VTI1A: variants seen among roughly 807,000 people sequenced by gnomAD.
VTI1A encodes vesicle transport through interaction with t-SNAREs 1A.
A neutral mutation model predicts 34.9 loss-of-function variants in VTI1A; 22 were observed. That is an observed-to-expected ratio of 0.63 (90% CI 0.45 to 0.90). The LOEUF (loss-of-function observed/expected upper bound fraction) is 0.90. Ranked by LOEUF, VTI1A falls within the 40% of genes least tolerant of loss-of-function variation. The pLI is 0.00. For synonymous variants in VTI1A, 87 were observed against 97.3 expected, an observed-to-expected ratio of 0.89 and a Z score of 0.62; for missense variants, 268 against 275.6, an observed-to-expected ratio of 0.97 and a Z score of 0.20.
intron 3 of VTI1A, among the ~76,000 whole-genome samples, chr10:112,475,936 T>G (rs1478506850): frequency 6.6e-6 from 1 of 152,204 alleles, no homozygotes; most frequent in African/African-American, 2.4e-5. Flanking sequence ...CTGTGTTGAA[T>G]GTTTTATTAA....
intron 5 of VTI1A, among the ~76,000 whole-genome samples, chr10:112,614,788 A>G (rs1845456537): frequency 6.6e-6 from 1 of 152,210 alleles, no homozygotes; most frequent in Non-Finnish European, 1.5e-5. Flanking sequence ...GTCACAAGGC[A>G]CAGTTATGAA....
chr10:112,634,486 T>C (rs1346537184), intron 5 of VTI1A, among the ~76,000 whole-genome samples: 1 of 137,238 alleles, frequency 7.3e-6, no homozygotes, highest in African/African-American at 2.8e-5. Flanking sequence ...TCGGTGGTTA[T>C]ACACACACAC....
chr10:112,474,061 C>A (rs1484584021), intron 3 of VTI1A, among the ~76,000 whole-genome samples: 1 of 151,896 alleles, frequency 6.6e-6, no homozygotes, highest in Non-Finnish European at 1.5e-5. Flanking sequence ...TTGGATATGA[C>A]TATGACTTTT....
chr10:112,664,116 G>A (rs1018495513), intron 5 of VTI1A, among the ~76,000 whole-genome samples: 9 of 152,140 alleles, frequency 5.9e-5, no homozygotes, highest in Non-Finnish European at 1.0e-4. Context: ...ATAATTCGCT[G>A]GATACCACAT....
chr10:112,602,949 A>G (rs1564844463), intron 5 of VTI1A, among the ~76,000 whole-genome samples: 1 of 152,114 alleles, frequency 6.6e-6, no homozygotes, highest in Non-Finnish European at 1.5e-5. Context: ...GTGCTGCTTA[A>G]TTTTTTTTAA....
intron 3 of VTI1A, among the ~76,000 whole-genome samples, chr10:112,502,568 A>C (rs1319439419): frequency 6.6e-6 from 1 of 152,374 alleles, no homozygotes; most frequent in East Asian, 1.9e-4. Context: ...TTACATGAAC[A>C]TGACTGTGGA....
chr10:112,559,568 C>T (rs1343609896), intron 5 of VTI1A, among the ~76,000 whole-genome samples: 2 of 152,124 alleles, frequency 1.3e-5, no homozygotes, highest in African/African-American at 2.4e-5. Context: ...AGGAGGCCTT[C>T]CTCTTCTTCC....
At chr10:112,811,857 C>A (rs1853329207) in intron 7 of VTI1A, among the ~76,000 whole-genome samples, 2 of 152,166 alleles carry the variant, frequency 1.3e-5, no homozygotes, top group South Asian at 4.1e-4. Context: ...TGCACTGGAA[C>A]CAGCCTTCTG....
chr10:112,734,027 C>T (rs12098795), intron 7 of VTI1A, among the ~76,000 whole-genome samples: 6,684 of 152,132 alleles, frequency 0.044, 491 homozygotes, highest in African/African-American at 0.15. Flanking sequence ...GCTGGGATTA[C>T]AGGCGTGAGC....
intron 5 of VTI1A, among the ~76,000 whole-genome samples, chr10:112,603,871 G>A (rs1844974721): frequency 6.6e-6 from 1 of 151,746 alleles, no homozygotes; most frequent in African/African-American, 2.4e-5. Context: ...CTTGGTAGAT[G>A]ACAACACCCA....
chr10:112,648,282 A>G (rs996040771), intron 5 of VTI1A, among the ~76,000 whole-genome samples: 1 of 152,170 alleles, frequency 6.6e-6, no homozygotes, highest in Admixed American at 6.5e-5. Context: ...TGCTGTCACT[A>G]AGGAAAGTTA....
intron 3 of VTI1A, among the ~76,000 whole-genome samples, chr10:112,474,748 T>C (rs889281971): frequency 6.6e-6 from 1 of 152,200 alleles, no homozygotes; most frequent in Non-Finnish European, 1.5e-5. Flanking sequence ...TGAGCCACCA[T>C]GCCTGGCCTG....
At chr10:112,623,743 C>T (rs917890962) in intron 5 of VTI1A, among the ~76,000 whole-genome samples, 1 of 152,156 alleles carries the variant, frequency 6.6e-6, no homozygotes, top group Admixed American at 6.5e-5. Flanking sequence ...ATCTTCAGTG[C>T]TTCAGGAGGG....
intron 7 of VTI1A, among the ~76,000 whole-genome samples, chr10:112,738,801 G>T (rs961740720): frequency 6.6e-6 from 1 of 152,156 alleles, no homozygotes. Flanking sequence ...AAGTTATGGT[G>T]TTGTGGGCAG....
chr10:112,559,797 A>T (rs899300987), intron 5 of VTI1A, among the ~76,000 whole-genome samples: 1 of 152,236 alleles, frequency 6.6e-6, no homozygotes, highest in Non-Finnish European at 1.5e-5. Flanking sequence ...ACAGAAAAGC[A>T]TTCATGTACC....
chr10:112,464,816 A>G lies in VTI1A; in HGVS notation c.264+159A>G, dbSNP rs1479309987. 4.7e-6 allele frequency: 3 copies of G among 637,256 alleles called. No homozygotes were observed. In the African/African-American group the frequency reaches 5.5e-5, roughly 12 times the overall value. The allele number at this position is 637,256 out of a possible 1,614,324, so 39.5% of individuals were successfully genotyped here. Reference sequence around the variant, plus strand: ...TTAGGGATCTAAAAAATGGTTATAGAGATAGCTAATGGTGGAATTTAAGGT... The same window carrying G: ...TTAGGGATCTAAAAAATGGTTATAGGGATAGCTAATGGTGGAATTTAAGGT... On this transcript the variant is annotated intron_variant, in intron 3 of 7. Coordinates refer to ENST00000393077, the MANE Select transcript of VTI1A (RefSeq NM_145206.4).
At chr10:112,546,214 C>A (rs1303737065) in intron 5 of VTI1A, among the ~76,000 whole-genome samples, 2 of 151,390 alleles carry the variant, frequency 1.3e-5, no homozygotes, top group African/African-American at 4.9e-5. Flanking sequence ...TACACACACA[C>A]ACACACACAC....
In VTI1A at chr10:112,736,111, G is replaced by GATATATATA. The variant is rs1850451769; in HGVS notation, c.560+67113_560+67114insATATATATA. On this transcript the variant is annotated intron_variant, in intron 7 of 7. Coordinates refer to ENST00000393077, the MANE Select transcript of VTI1A (RefSeq NM_145206.4). ...ATATTTTACATATATATGTGTGTGT[G>GATATATATA]TATATATATATATATATATATATAT... Among the ~76,000 whole-genome samples, 3 of 116,196 alleles carry GATATATATA rather than the reference G, an allele frequency of 2.6e-5. No homozygotes were observed. The South Asian group carries it at 8.0e-4, about 31-fold the overall frequency. The allele number at this position is 116,196 out of a possible 152,430, so 76.2% of individuals were successfully genotyped here.
chr10:112,847,419 C>T, the VTI1A span, among the ~76,000 whole-genome samples: 1 of 152,168 alleles, frequency 6.6e-6, no homozygotes, highest in African/African-American at 2.4e-5. Context: ...CTAACTTTCC[C>T]ACTCTCTTCT....
Sources: gnomAD v4.1 joint callset for allele counts (sites outside exome capture counted in the v4.1 genomes callset) on GRCh38, gnomAD v4.1.1 for gene constraint, MANE v1.5 for transcripts, NCBI Gene and HGNC (gene_info 2026-07-23, HGNC 2026-07-21) for gene names.